Variants in STAG2 observed in about 807,000 individuals in gnomAD.
STAG2 encodes the protein cohesin subunit SA-2.
Under a neutral mutation model 108.1 loss-of-function variants are expected in STAG2, and 14 were observed. That is an observed-to-expected ratio of 0.13 (90% CI 0.09 to 0.20). The LOEUF is 0.20. Ranked by LOEUF, STAG2 falls within the 10% of genes least tolerant of loss-of-function variation. The probability of loss-of-function intolerance (pLI) is 1.00; values close to 1 mark genes in which losing one functional copy is unlikely to be tolerated. For missense variants in STAG2, 440 were observed against 940.9 expected (o/e 0.47, Z 6.96); for synonymous variants, 307 against 302.7 (o/e 1.01, Z -0.15).
rs1404064374 is a variant in STAG2, at chrX:123,971,536, T to C, written c.-163+9680T>C. Among the ~76,000 whole-genome samples the C allele has an allele frequency of 6.3e-5, 7 of 111,797 alleles. No homozygotes were observed. In the East Asian group the frequency reaches 2.0e-3, roughly 31 times the overall value. On this transcript the variant is annotated intron_variant, in intron 1 of 34. Coordinates refer to ENST00000371145, the MANE Select transcript of STAG2 (RefSeq NM_001042750.2). ...GTTTACTTTTACCCTTTTGGGGGAG[T>C]TTTTGTTGGTACATGGTCAATAGTA...
chrX:124,007,936 A>G (rs1403515793), intron 1 of STAG2, among the ~76,000 whole-genome samples: 1 of 111,771 alleles, frequency 8.9e-6, no homozygotes, highest in African/African-American at 3.3e-5. Flanking sequence ...ACTAAGTTCA[A>G]GTATGTAACA....
At chrX:123,999,240 GTC>G (rs2055909193) in intron 1 of STAG2, among the ~76,000 whole-genome samples, 1 of 111,815 alleles carries the variant, frequency 8.9e-6, no homozygotes, top group African/African-American at 3.2e-5. Context: ...GTGCTTTTGT[GTC>G]TGTCTTGTCT....
At chrX:123,981,439 C>T (rs1305989536) in intron 1 of STAG2, among the ~76,000 whole-genome samples, 2 of 111,326 alleles carry the variant, frequency 1.8e-5, no homozygotes, top group African/African-American at 3.3e-5. Flanking sequence ...TTTCATTTAG[C>T]ATGTATTCCA....
intron 1 of STAG2, among the ~76,000 whole-genome samples, chrX:124,020,564 T>C (rs2056894057): frequency 8.9e-6 from 1 of 112,072 alleles, no homozygotes; most frequent in African/African-American, 3.2e-5. Context: ...TGAGTACCTA[T>C]AGTCCTAGCT....
At chrX:123,987,003 A>T (rs940635759) in intron 1 of STAG2, among the ~76,000 whole-genome samples, 39 of 107,996 alleles carry the variant, frequency 3.6e-4, no homozygotes, top group African/African-American at 1.2e-3. Flanking sequence ...TTTTTTTTTA[A>T]TTTTTTTTAG....
intron 15 of STAG2, among the ~76,000 whole-genome samples, 158 bp from the exon 16 acceptor site, chrX:124,061,066 A>G (rs912212708): frequency 1.8e-5 from 2 of 111,162 alleles, no homozygotes; most frequent in South Asian, 7.4e-4. Context: ...ACAGCAAGCA[A>G]ACTAAGGCAG....
At chrX:123,967,724 C>T (rs1890355997) in intron 1 of STAG2, among the ~76,000 whole-genome samples, 1 of 111,018 alleles carries the variant, frequency 9.0e-6, no homozygotes, top group Admixed American at 9.6e-5. Flanking sequence ...ATGGTATGAC[C>T]TGTTGCTCCT....
intron 1 of STAG2, among the ~76,000 whole-genome samples, chrX:123,986,170 G>A (rs2055180138): frequency 9.4e-6 from 1 of 105,903 alleles, no homozygotes; most frequent in South Asian, 3.9e-4. Context: ...TGATACATAT[G>A]TGATACATAT....
intron 5 of STAG2, among the ~76,000 whole-genome samples, chrX:124,037,179 C>T (rs1455205484): frequency 8.9e-6 from 1 of 111,899 alleles, no homozygotes; most frequent in Non-Finnish European, 1.9e-5. Context: ...AGCCAGCACA[C>T]CTGCCCTGTA....
At chrX:124,017,418 G>C (rs1346558433) in intron 1 of STAG2, among the ~76,000 whole-genome samples, 3 of 110,468 alleles carry the variant, frequency 2.7e-5, no homozygotes. Context: ...CATCATGTTG[G>C]CCAGACTGGT....
chrX:124,057,816 A>G, intron 14 of STAG2, 50 bp from the exon 15 acceptor site: 5 of 880,065 alleles, frequency 5.7e-6, no homozygotes, highest in Non-Finnish European at 4.7e-6. Context: ...TTTTATTAGA[A>G]AATTTTTTGT....
At chrX:124,022,708 G>C in intron 3 of STAG2, 37 bp downstream of exon 3, 1 of 980,998 alleles carries the variant, frequency 1.0e-6, no homozygotes, top group Non-Finnish European at 1.4e-6. Context: ...TTAAATACTT[G>C]TTTATTCCAC....
intron 1 of STAG2, among the ~76,000 whole-genome samples, chrX:123,982,645 C>T (rs1368506043): frequency 9.0e-6 from 1 of 111,116 alleles, no homozygotes; most frequent in Non-Finnish European, 1.9e-5. Flanking sequence ...CCTTGGCCTT[C>T]CAAAATGTTG....
At chrX:124,097,739 T>C in intron 34 of STAG2, 1 of 326,220 alleles carries the variant, frequency 3.1e-6, no homozygotes, top group Non-Finnish European at 6.1e-6. Flanking sequence ...ACTGAAGAGA[T>C]CATTTAGTGA....
At chrX:123,999,906 G>A (rs2055942753) in intron 1 of STAG2, among the ~76,000 whole-genome samples, 1 of 108,816 alleles carries the variant, frequency 9.2e-6, no homozygotes, top group Admixed American at 9.9e-5. Flanking sequence ...GAGCCACCCT[G>A]CCCGGCCATA....
At chrX:123,969,443 G>A (rs1168120798) in intron 1 of STAG2, among the ~76,000 whole-genome samples, 1 of 109,726 alleles carries the variant, frequency 9.1e-6, no homozygotes, top group Non-Finnish European at 1.9e-5. Flanking sequence ...GGTTCTTTAG[G>A]GGTATTTTTT....
chrX:124,054,683 T>A (rs773880926), intron 13 of STAG2, among the ~76,000 whole-genome samples: 4 of 112,085 alleles, frequency 3.6e-5, no homozygotes, highest in Non-Finnish European at 7.5e-5. Flanking sequence ...TAATTTAAAT[T>A]TCTTAGAAAC....
chrX:123,987,432 G>A (rs2055248071), intron 1 of STAG2, among the ~76,000 whole-genome samples: 1 of 110,729 alleles, frequency 9.0e-6, no homozygotes, highest in Admixed American at 9.7e-5. Flanking sequence ...ATTTTTAGTA[G>A]TGACGGGGTT....
chrX:124,028,999 ATATATATATATATATT>A (rs969128109), intron 4 of STAG2, among the ~76,000 whole-genome samples: 1 of 97,773 alleles, frequency 1.0e-5, no homozygotes, highest in African/African-American at 3.7e-5. Context: ...ATATATATAT[ATATATATATATATATT>A]TATTTATTTA....
Sources: allele counts gnomAD v4.1 joint callset (sites outside exome capture counted in the v4.1 genomes callset), GRCh38; gene constraint gnomAD v4.1.1; transcripts MANE v1.5; gene names NCBI Gene and HGNC (gene_info 2026-07-23, HGNC 2026-07-21).